Variants in CCDC141 observed in about 807,000 individuals in gnomAD.
The protein encoded by CCDC141 is coiled-coil domain-containing protein 141.
A neutral mutation model predicts 181.0 loss-of-function variants in CCDC141; 168 were observed. That is an observed-to-expected ratio of 0.93 (90% CI 0.82 to 1.05). The LOEUF is 1.05. Among genes scored for constraint, CCDC141 ranks in the 50% least tolerant of loss-of-function variants. CCDC141 has a pLI of 0.00. For synonymous variants in CCDC141, 666 were observed against 642.3 expected (o/e 1.04, Z -0.56); for missense variants, 1,902 against 1,788.5 (o/e 1.06, Z -1.14).
At chr2:178,923,679 G>GT (rs1364443709) in intron 6 of CCDC141, among the ~76,000 whole-genome samples, 2 of 152,130 alleles carry the variant, frequency 1.3e-5, no homozygotes, top group Non-Finnish European at 2.9e-5. Context: ...AGATGCGTGC[G>GT]TATCTCCGAC....
intron 2 of CCDC141, among the ~76,000 whole-genome samples, chr2:179,046,133 A>T (rs1559069968): frequency 6.6e-6 from 1 of 152,198 alleles, no homozygotes; most frequent in Non-Finnish European, 1.5e-5. Context: ...AAGTACTAAA[A>T]ATGCAGAGCA....
Position 178,978,606 on chromosome 2 carries a change from T to C in CCDC141, c.295A>G (p.Ser99Gly). The change falls in exon 3 of 24, where the codon AGT (serine) becomes GGT (glycine). Residue 99 changes from serine to glycine, a missense_variant. Coordinates refer to ENST00000443758, the MANE Select transcript of CCDC141 (RefSeq NM_173648.4). ...DKTAEENKDQ[S>G]QVYDAMAETL... ...TCGGCCATGGCATCATAGACCTGACTCTGATCCTTGTTCTCTTCAGCTGTC... is the reference window on the plus strand; with the variant it reads ...TCGGCCATGGCATCATAGACCTGACCCTGATCCTTGTTCTCTTCAGCTGTC... 1 of 1,549,950 alleles carries C rather than the reference T, an allele frequency of 6.5e-7. No individual in the cohort carries two copies. Among genetic ancestry groups the C allele is most frequent in the Non-Finnish European group, 8.7e-7 (1 of 1,146,696 alleles).
chr2:178,903,227 TACCATTTGACCC>T (rs1687792343), intron 8 of CCDC141, among the ~76,000 whole-genome samples: 2 of 149,670 alleles, frequency 1.3e-5, no homozygotes, highest in South Asian at 4.4e-4. Context: ...GAACTAGAAA[TACCATTTGACCC>T]AGCCATCCCA....
intron 2 of CCDC141, among the ~76,000 whole-genome samples, chr2:179,009,034 G>C (rs1257696410): frequency 6.6e-6 from 1 of 152,022 alleles, no homozygotes; most frequent in Non-Finnish European, 1.5e-5. Flanking sequence ...CTAGCACATG[G>C]GCCAACCATA....
chr2:178,898,445 T>C (rs1687518750), intron 8 of CCDC141, among the ~76,000 whole-genome samples: 1 of 152,138 alleles, frequency 6.6e-6, no homozygotes, highest in South Asian at 2.1e-4. Flanking sequence ...CAACAGAAAA[T>C]GGACTAAGAC....
At position 178,830,097 on chromosome 2, in the gene CCDC141, T is replaced by A. The variant is rs1289305777; in HGVS notation, c.*4076A>T. ...GTAGTGTTCTAAAGAAGTACATAAA[T>A]TCTGGTTTTGACAGTTTGGATTTAG... On this transcript the variant is annotated 3_prime_UTR_variant, in exon 24 of 24. Transcript: ENST00000443758. The A allele has an allele frequency of 1.3e-5, 2 of 152,204 alleles. No individual in the cohort carries two copies. Among genetic ancestry groups the A allele is most frequent in the East Asian group, 3.8e-4 (2 of 5,198 alleles). 9.4% of individuals were successfully genotyped at this position (152,204 alleles called of 1,614,324 possible).
Position 178,845,677 on chromosome 2 carries a change from T to C in CCDC141, c.3423A>G (p.Leu1141=), listed in dbSNP as rs1264814244. The part of the protein sequence containing the change: ...EDFHYDYIDL[L]KEPAKNKQTI... ...TCTGCTTATTTTTTGCTGGTTCCTT[T>C]AGCAAGTCAATGTAATCATAATGGA... The change falls in exon 22 of 24, where the codon CTA becomes CTG. Residue 1141 remains leucine, a synonymous_variant. Coordinates refer to ENST00000443758, the MANE Select transcript of CCDC141 (RefSeq NM_173648.4). 6.2e-7 allele frequency: 1 copy of C among 1,612,620 alleles called. No individual in the cohort carries two copies. Among genetic ancestry groups the C allele is most frequent in the Admixed American group, 1.7e-5 (1 of 59,966 alleles).
At chr2:178,989,611 AAT>A (rs1559032026) in intron 2 of CCDC141, among the ~76,000 whole-genome samples, 63 of 140,560 alleles carry the variant, frequency 4.5e-4, no homozygotes, top group African/African-American at 1.7e-3. Flanking sequence ...AAAAAAAATA[AAT>A]AAATAAATAA....
chr2:178,868,570 C>A (rs1685957509), intron 15 of CCDC141, among the ~76,000 whole-genome samples: 1 of 120,308 alleles, frequency 8.3e-6, no homozygotes, highest in Non-Finnish European at 1.7e-5. Flanking sequence ...AAAATGCCAC[C>A]AACAAATAGC....
At chr2:179,015,298 A>C (rs61464252) in intron 2 of CCDC141, among the ~76,000 whole-genome samples, 624 of 24,446 alleles carry the variant, frequency 0.026, 12 homozygotes, top group African/African-American at 0.037. Context: ...TATATCTCAT[A>C]TATGTATCAT....
intron 4 of CCDC141, among the ~76,000 whole-genome samples, chr2:178,972,183 A>G (rs1183540425): frequency 6.6e-6 from 1 of 152,210 alleles, no homozygotes; most frequent in Non-Finnish European, 1.5e-5. Context: ...CTCAGTTCTT[A>G]CATTCATTTT....
At chr2:178,874,548 A>C (rs1212612467) in intron 12 of CCDC141, 1 of 152,266 alleles carries the variant, frequency 6.6e-6, no homozygotes, top group East Asian at 1.9e-4. Flanking sequence ...GTAACAAAGG[A>C]CTTCTGAGTA....
At chr2:178,851,256 G>C (rs898425376) in intron 20 of CCDC141, among the ~76,000 whole-genome samples, 7 of 151,504 alleles carry the variant, frequency 4.6e-5, no homozygotes, top group Middle Eastern at 6.8e-3. Flanking sequence ...ACAATAAATG[G>C]GGGAACAAGG....
chr2:178,997,170 C>G (rs183672804), intron 2 of CCDC141, among the ~76,000 whole-genome samples: 8 of 152,060 alleles, frequency 5.3e-5, no homozygotes, highest in Non-Finnish European at 1.0e-4. Context: ...ATTGGGTCTC[C>G]GTGATACTTC....
At chr2:178,934,582 C>T (rs1315296685) in intron 6 of CCDC141, among the ~76,000 whole-genome samples, 1 of 152,016 alleles carries the variant, frequency 6.6e-6, no homozygotes, top group Non-Finnish European at 1.5e-5. Flanking sequence ...TTTAAAAATC[C>T]TTTAGTTCAT....
chr2:178,884,008 A>G (rs993072641), intron 11 of CCDC141, among the ~76,000 whole-genome samples: 2 of 152,136 alleles, frequency 1.3e-5, no homozygotes, highest in African/African-American at 4.8e-5. Context: ...AACCACACTA[A>G]CTGCTAAGGT....
chr2:178,951,562 T>A (rs1689953420), intron 5 of CCDC141, among the ~76,000 whole-genome samples: 1 of 152,200 alleles, frequency 6.6e-6, no homozygotes, highest in South Asian at 2.1e-4. Context: ...ACAACATTCA[T>A]TAAAATTAAT....
intron 7 of CCDC141, among the ~76,000 whole-genome samples, chr2:178,913,374 T>G (rs1237600887): frequency 6.6e-6 from 1 of 152,228 alleles, no homozygotes; most frequent in African/African-American, 2.4e-5. Context: ...AAATTCCTTC[T>G]GCATAGTATT....
chr2:178,837,862 AG>A, intron 22 of CCDC141, 118 bp from the exon 23 acceptor site: 1 of 1,132,768 alleles, frequency 8.8e-7, no homozygotes, highest in Non-Finnish European at 1.2e-6. Flanking sequence ...GTTAAAATTT[AG>A]GGGGCTGGAG....
Sources: allele counts gnomAD v4.1 joint callset (sites outside exome capture counted in the v4.1 genomes callset), GRCh38; gene constraint gnomAD v4.1.1; transcripts MANE v1.5; gene names NCBI Gene and HGNC (gene_info 2026-07-23, HGNC 2026-07-21).